EVI5: variants seen among roughly 807,000 people sequenced by gnomAD.
The protein encoded by EVI5 is ecotropic viral integration site 5.
Under a neutral mutation model 112.0 loss-of-function variants are expected in EVI5, and 73 were observed. The ratio of observed to expected loss-of-function variants is 0.65; its 90% CI spans 0.54 to 0.79. EVI5 has a LOEUF of 0.79. Ranked by LOEUF, EVI5 falls within the 30% of genes least tolerant of loss-of-function variation. The probability of loss-of-function intolerance (pLI) is 0.00; values close to 1 mark genes in which losing one functional copy is unlikely to be tolerated. For missense variants in EVI5, 900 were observed against 968.8 expected (o/e 0.93, Z 0.94); for synonymous variants, 305 against 319.9 (o/e 0.95, Z 0.50).
chr1:92,704,819 C>A, intron 2 of EVI5, 75 bp from the exon 3 acceptor site: 1 of 540,230 alleles, frequency 1.9e-6, no homozygotes, highest in South Asian at 5.5e-5. Context: ...ATACTTAGAG[C>A]TTTATTACTG....
Position 92,593,926 on chromosome 1 carries a change from C to G in EVI5, c.2070+11381G>C, listed in dbSNP as rs1180562261. Among the ~76,000 whole-genome samples, 3 of 152,172 alleles carry G rather than the reference C, an allele frequency of 2.0e-5. No homozygotes were observed. In the East Asian group the frequency reaches 5.8e-4, roughly 29 times the overall value. ...CTGCTCAATGAAATAAAGGAGGACA[C>G]AAACAAATGGAAAAACATTCCATGC... is the stretch of plus-strand genomic sequence containing the variant. On this transcript the variant is annotated intron_variant, in intron 18 of 19. Coordinates refer to ENST00000684568, the MANE Select transcript of EVI5 (RefSeq NM_001350197.2).
chr1:92,710,920 A>T (rs2102610620), intron 2 of EVI5, among the ~76,000 whole-genome samples: 1 of 152,358 alleles, frequency 6.6e-6, no homozygotes, highest in East Asian at 1.9e-4. Context: ...ATATTCCAGC[A>T]TGGAGAACAG....
intron 2 of EVI5, among the ~76,000 whole-genome samples, chr1:92,708,519 C>T (rs1177805216): frequency 7.9e-5 from 12 of 152,056 alleles, no homozygotes; most frequent in Non-Finnish European, 1.5e-5. Flanking sequence ...TCATACACTA[C>T]TTGTGGGAAT....
chr1:92,747,302 G>C (rs1267660388), intron 1 of EVI5, among the ~76,000 whole-genome samples: 1 of 152,076 alleles, frequency 6.6e-6, no homozygotes, highest in Non-Finnish European at 1.5e-5. Flanking sequence ...AAGCATCCAT[G>C]GTAGTATGAG....
chr1:92,578,037 T>TA (rs930183736), intron 18 of EVI5, among the ~76,000 whole-genome samples: 2 of 152,228 alleles, frequency 1.3e-5, no homozygotes, highest in African/African-American at 4.8e-5. Context: ...TTACTAGTGA[T>TA]AAACACTGTC....
intron 13 of EVI5, among the ~76,000 whole-genome samples, chr1:92,657,417 C>G (rs1421026481): frequency 6.6e-6 from 1 of 152,176 alleles, no homozygotes; most frequent in African/African-American, 2.4e-5. Context: ...AATCCCAGCA[C>G]TTTGAGAGGC....
intron 13 of EVI5, among the ~76,000 whole-genome samples, chr1:92,653,694 A>AC (rs926946523): frequency 5.9e-5 from 9 of 151,818 alleles, no homozygotes; most frequent in African/African-American, 2.2e-4. Flanking sequence ...AAAAGGTGGG[A>AC]CCCCCTCCCC....
intron 10 of EVI5, among the ~76,000 whole-genome samples, chr1:92,669,736 G>A (rs115714934): frequency 0.013 from 2,005 of 151,884 alleles, 24 homozygotes; most frequent in Non-Finnish European, 0.021. Flanking sequence ...ACTTCTTCCA[G>A]TATATTTTTG....
intron 1 of EVI5, among the ~76,000 whole-genome samples, chr1:92,759,386 G>C (rs562782166): frequency 1.3e-5 from 2 of 152,172 alleles, no homozygotes; most frequent in South Asian, 4.1e-4. Context: ...AATATATAGA[G>C]AGACACCTAA....
chr1:92,631,262 A>G (rs548893021), intron 14 of EVI5, among the ~76,000 whole-genome samples: 2 of 152,194 alleles, frequency 1.3e-5, no homozygotes, highest in East Asian at 3.9e-4. Context: ...TCTATAAATT[A>G]CCTTGGGCAG....
chr1:92,761,717 C>T (rs1043450921), intron 1 of EVI5, among the ~76,000 whole-genome samples: 3 of 152,120 alleles, frequency 2.0e-5, no homozygotes, highest in South Asian at 2.1e-4. Flanking sequence ...GTAATGCTCC[C>T]GGCTCAGTCT....
intron 19 of EVI5, among the ~76,000 whole-genome samples, chr1:92,527,904 A>G (rs1662196446): frequency 6.6e-6 from 1 of 152,142 alleles, no homozygotes. Flanking sequence ...TCTCCAATCT[A>G]TTATATATAA....
At chr1:92,629,381 G>C (rs754242047) in intron 14 of EVI5, among the ~76,000 whole-genome samples, 19 of 152,086 alleles carry the variant, frequency 1.2e-4, no homozygotes, top group African/African-American at 3.1e-4. Flanking sequence ...AGAGTAAAAA[G>C]GAACAAACGA....
intron 19 of EVI5, among the ~76,000 whole-genome samples, chr1:92,540,456 C>A (rs1010889518): frequency 3.9e-5 from 6 of 152,164 alleles, no homozygotes; most frequent in African/African-American, 1.4e-4. Flanking sequence ...TTTCTCATGT[C>A]CACTGGCCAT....
intron 18 of EVI5, among the ~76,000 whole-genome samples, chr1:92,590,414 G>C (rs547560284): frequency 1.7e-3 from 263 of 152,308 alleles, no homozygotes; most frequent in African/African-American, 6.0e-3. Context: ...GCAGAGAAGT[G>C]CTTAAAGGAG....
chr1:92,542,640 C>T (rs1325919730), intron 19 of EVI5, among the ~76,000 whole-genome samples: 3 of 152,216 alleles, frequency 2.0e-5, no homozygotes. Flanking sequence ...TCTACATCAG[C>T]ACTTGCTGCT....
chr1:92,558,878 AC>A (rs1557783439), intron 19 of EVI5, among the ~76,000 whole-genome samples: 1 of 151,716 alleles, frequency 6.6e-6, no homozygotes, highest in African/African-American at 2.4e-5. Context: ...AAACAAAAAA[AC>A]CCAAACAACA....
chr1:92,659,889 A>C (rs935768491), intron 13 of EVI5, among the ~76,000 whole-genome samples: 1 of 152,048 alleles, frequency 6.6e-6, no homozygotes, highest in African/African-American at 2.4e-5. Context: ...ATACACCATG[A>C]AATATTACTC....
At chr1:92,684,480 A>T (rs1288132734) in intron 9 of EVI5, among the ~76,000 whole-genome samples, 1 of 152,234 alleles carries the variant, frequency 6.6e-6, no homozygotes, top group South Asian at 2.1e-4. Flanking sequence ...GACACTGTGA[A>T]GAAACTGAAT....
Sources: allele counts gnomAD v4.1 joint callset (sites outside exome capture counted in the v4.1 genomes callset), GRCh38; gene constraint gnomAD v4.1.1; transcripts MANE v1.5; gene names NCBI Gene and HGNC (gene_info 2026-07-23, HGNC 2026-07-21).